The following ATG7 variants were observed in gnomAD, a reference collection of about 807,000 sequenced individuals.
The protein encoded by ATG7 is ubiquitin-like modifier-activating enzyme ATG7.
In ATG7, 70 loss-of-function variants were observed where a neutral mutation model predicts 82.4. The ratio of observed to expected loss-of-function variants is 0.85; its 90% CI spans 0.70 to 1.04. The LOEUF (loss-of-function observed/expected upper bound fraction) is 1.04. Among genes scored for constraint, ATG7 ranks in the 50% least tolerant of loss-of-function variants. The probability of loss-of-function intolerance (pLI) is 0.00; values close to 1 mark genes in which losing one functional copy is unlikely to be tolerated. For missense variants in ATG7, 792 were observed against 864.3 expected (o/e 0.92, Z 1.05); for synonymous variants, 287 against 313.0 (o/e 0.92, Z 0.88).
At chr3:11,559,990 A>G (rs141382026), downstream of ATG7, among the ~76,000 whole-genome samples, 7 of 152,266 alleles carry the variant, frequency 4.6e-5, no homozygotes, top group Non-Finnish European at 7.4e-5. Context: ...AATATGCCTA[A>G]GTGTGGAACG....
intron 20 of ATG7, among the ~76,000 whole-genome samples, chr3:11,429,157 G>C (rs1398767796): frequency 6.6e-6 from 1 of 151,978 alleles, no homozygotes; most frequent in African/African-American, 2.4e-5. Context: ...GTATTTTTTG[G>C]CCTGCCCAGT....
At chr3:11,358,377 A>T in intron 14 of ATG7, 41 bp from the exon 15 acceptor site, 1 of 1,576,246 alleles carries the variant, frequency 6.3e-7, no homozygotes, top group Non-Finnish European at 8.6e-7. Context: ...TATTACCTAT[A>T]CCATTGCTCC....
chr3:11,565,224 G>A, the ATG7 span, among the ~76,000 whole-genome samples: 14 of 152,182 alleles, frequency 9.2e-5, no homozygotes, highest in South Asian at 6.2e-4. This position sits in a 1 kb window ranked among gnomAD's most constrained non-coding sequence, Gnocchi z 4.1. Flanking sequence ...TGCTGCCAGC[G>A]GAGTCCAAAG....
At chr3:11,477,113 G>C (rs1272091670) in intron 20 of ATG7, 25 of 1,289,614 alleles carry the variant, frequency 1.9e-5, no homozygotes, top group Non-Finnish European at 2.3e-5. Context: ...AATTAAAAGG[G>C]AGCATGTTTG....
At chr3:11,391,962 G>GGT (rs1553640446) in intron 19 of ATG7, among the ~76,000 whole-genome samples, 4 of 143,078 alleles carry the variant, frequency 2.8e-5, no homozygotes, top group African/African-American at 1.0e-4. Flanking sequence ...ACTTATTGGG[G>GGT]GGGGGGTAAT....
At chr3:11,486,631 T>C (rs1461152997) in intron 20 of ATG7, among the ~76,000 whole-genome samples, 1 of 152,034 alleles carries the variant, frequency 6.6e-6, no homozygotes, top group South Asian at 2.1e-4. Context: ...TCAAAGGGAA[T>C]GCTTCCAGTT....
Position 11,525,623 on chromosome 3 carries a change from C to T in ATG7, c.2080-29188C>T, listed in dbSNP as rs1188626708. 3.4e-5 allele frequency among the ~76,000 whole-genome samples: 5 copies of T among 148,690 alleles called. No individual in the cohort carries two copies. In the East Asian group the frequency reaches 9.9e-4, roughly 29 times the overall value. On this transcript the variant is annotated intron_variant, in intron 20 of 20. Coordinates refer to ENST00000693202, the MANE Select transcript of ATG7 (RefSeq NM_001349232.2). ...AGGCTGGAGTGCAGTGGCGTGATCT[C>T]GGCTCACTGTAAGCTCTGCCTCCTG...
At position 11,331,429 on chromosome 3, in the gene ATG7, G is replaced by A. The variant is rs1162590290; in HGVS notation, c.767+1G>A. 1.9e-6 allele frequency: 3 copies of A among 1,586,462 alleles called. No individual in the cohort carries two copies. The highest frequency in any genetic ancestry group is 2.7e-5 in the African/African-American group (2 of 74,224). The stretch of plus-strand genomic sequence containing the variant: ...TTTTGGTCCTAGCAGCCCACAGATG[G>A]TATTTACAAGAGTGTGTGTTTGTCT... On this transcript the variant is annotated splice_donor_variant, in intron 10 of 20. Transcript: ENST00000693202. LOFTEE classifies it high-confidence loss of function.
At chr3:11,540,640 C>CA (rs35654550) in intron 20 of ATG7, among the ~76,000 whole-genome samples, 121,923 of 146,682 alleles carry the variant, frequency 0.83, 50,648 homozygotes, top group East Asian at 0.92. Flanking sequence ...CACCCCATCT[C>CA]AAAAAAAAAA....
intron 13 of ATG7, among the ~76,000 whole-genome samples, chr3:11,345,671 G>A (rs202097573): frequency 6.6e-6 from 1 of 151,596 alleles, no homozygotes; most frequent in East Asian, 1.9e-4. Context: ...AGAGAGGCTT[G>A]TCTATCAGTT....
At chr3:11,368,656 C>A (rs1575755940) in intron 18 of ATG7, among the ~76,000 whole-genome samples, 1 of 140,034 alleles carries the variant, frequency 7.1e-6, no homozygotes, top group African/African-American at 2.7e-5. Context: ...TGGTGGCACG[C>A]ACCTGTGGGA....
At chr3:11,368,548 TTGGGAGGCTGAGG>T (rs1419592858) in intron 18 of ATG7, among the ~76,000 whole-genome samples, 1 of 151,966 alleles carries the variant, frequency 6.6e-6, no homozygotes, top group East Asian at 1.9e-4. Context: ...TCCCAGCACT[TTGGGAGGCTGAGG>T]TGGGAGAATT....
At chr3:11,380,159 G>C (rs1443796921) in intron 19 of ATG7, 107 bp downstream of exon 19, 8 of 1,021,260 alleles carry the variant, frequency 7.8e-6, no homozygotes, top group African/African-American at 1.6e-5. Flanking sequence ...GGCTTTTTGT[G>C]GGGGAAGGGT....
chr3:11,339,983 T>G (rs1002727197), intron 11 of ATG7, among the ~76,000 whole-genome samples: 5 of 152,156 alleles, frequency 3.3e-5, no homozygotes, highest in Non-Finnish European at 7.4e-5. Context: ...GATTATTGAA[T>G]AGGACACACT....
chr3:11,521,311 G>A (rs2092435354), intron 20 of ATG7, among the ~76,000 whole-genome samples: 1 of 152,178 alleles, frequency 6.6e-6, no homozygotes, highest in Admixed American at 6.5e-5. Context: ...GAGTGTGACT[G>A]GGACCGGCAC....
At chr3:11,562,502 C>T (rs542234163), downstream of ATG7, among the ~76,000 whole-genome samples, 38 of 152,346 alleles carry the variant, frequency 2.5e-4, no homozygotes, top group Admixed American at 1.2e-3. Context: ...TCCCCACTGC[C>T]ATTTCCCTGG....
intron 20 of ATG7, among the ~76,000 whole-genome samples, chr3:11,458,464 C>T (rs1459658053): frequency 2.6e-5 from 4 of 152,088 alleles, no homozygotes; most frequent in Non-Finnish European, 4.4e-5. Context: ...TGGGTTTCAC[C>T]GTGTTAGCCA....
chr3:11,499,892 C>A (rs935331861), intron 20 of ATG7, among the ~76,000 whole-genome samples: 2 of 152,148 alleles, frequency 1.3e-5, no homozygotes, highest in Non-Finnish European at 2.9e-5. Context: ...TTGTGCATCC[C>A]CCAAGATGCA....
At chr3:11,503,755 C>CAAAAAAAAAAAAA (rs34065629) in intron 20 of ATG7, among the ~76,000 whole-genome samples, 2 of 76,966 alleles carry the variant, frequency 2.6e-5, no homozygotes, top group Non-Finnish European at 4.9e-5. Context: ...GACTCTGTCT[C>CAAAAAAAAAAAAA]AAAAAAAAAA....
Sources: allele counts gnomAD v4.1 joint callset (sites outside exome capture counted in the v4.1 genomes callset), GRCh38; gene constraint gnomAD v4.1.1; non-coding constraint Gnocchi (gnomAD v3.1); transcripts MANE v1.5; gene names NCBI Gene and HGNC (gene_info 2026-07-23, HGNC 2026-07-21).